Variants in ANK2 observed in about 807,000 individuals in gnomAD.
ANK2 encodes ankyrin-2.
Under a neutral mutation model 360.5 loss-of-function variants are expected in ANK2, and 83 were observed. That is an observed-to-expected ratio of 0.23 (90% CI 0.19 to 0.28). The LOEUF is 0.28. ANK2 is among the 10% of genes least tolerant of loss of function. ANK2 has a pLI of 1.00. For synonymous variants in ANK2, 1,740 were observed against 1,759.5 expected (o/e 0.99, Z 0.28); for missense variants, 4,201 against 4,795.7 (o/e 0.88, Z 3.66).
At chr4:113,244,374 A>G (rs894884359) in intron 9 of ANK2, among the ~76,000 whole-genome samples, 2 of 152,344 alleles carry the variant, frequency 1.3e-5, no homozygotes, top group East Asian at 1.9e-4. Flanking sequence ...TTCTTGTAAA[A>G]GTTTAATAAT....
intron 1 of ANK2, among the ~76,000 whole-genome samples, chr4:112,871,287 G>A (rs1560877531): frequency 6.6e-6 from 1 of 151,940 alleles, no homozygotes; most frequent in Non-Finnish European, 1.5e-5. Context: ...CTGGGTTCAA[G>A]CAATTCTCCT....
chr4:112,992,797 G>T (rs2047262416), intron 2 of ANK2, among the ~76,000 whole-genome samples: 1 of 152,102 alleles, frequency 6.6e-6, no homozygotes, highest in South Asian at 2.1e-4. Context: ...TGCATTAGGG[G>T]TTTAACATAT....
chr4:112,795,833 C>G, the ANK2 span, among the ~76,000 whole-genome samples: 4 of 143,860 alleles, frequency 2.8e-5, no homozygotes, highest in African/African-American at 1.0e-4. Flanking sequence ...GGTTGTCACT[C>G]TGTTGCCCAG....
At chr4:113,227,617 T>C (rs926307786) in intron 4 of ANK2, among the ~76,000 whole-genome samples, 5 of 152,132 alleles carry the variant, frequency 3.3e-5, no homozygotes, top group African/African-American at 9.7e-5. Context: ...TTACAGGAGA[T>C]TCTATCACAC....
At chr4:113,159,191 C>CCACA (rs57967546) in intron 1 of ANK2, among the ~76,000 whole-genome samples, 15,828 of 141,858 alleles carry the variant, frequency 0.11, 1,468 homozygotes, top group East Asian at 0.34. Flanking sequence ...CTCTTTCCTT[C>CCACA]CACACACACA....
chr4:112,819,872 G>C (rs2056499181), intron 1 of ANK2, among the ~76,000 whole-genome samples: 1 of 152,144 alleles, frequency 6.6e-6, no homozygotes, highest in Non-Finnish European at 1.5e-5. Context: ...ACGGTGTGAG[G>C]AATTCAGAGG....
chr4:112,853,273 TGGCCAGGATG>T (rs2065488586), intron 1 of ANK2, among the ~76,000 whole-genome samples: 1 of 152,196 alleles, frequency 6.6e-6, no homozygotes, highest in Non-Finnish European at 1.5e-5. Flanking sequence ...TTCACTATGT[TGGCCAGGATG>T]GTCTCGATCT....
chr4:113,116,033 G>C (rs1246907735), intron 1 of ANK2, among the ~76,000 whole-genome samples: 2 of 152,108 alleles, frequency 1.3e-5, no homozygotes, highest in African/African-American at 4.8e-5. Context: ...CATCCTATTA[G>C]ACCTCGATAA....
chr4:112,727,734 G>A, the ANK2 span, among the ~76,000 whole-genome samples: 2 of 152,106 alleles, frequency 1.3e-5, no homozygotes, highest in Non-Finnish European at 2.9e-5. Context: ...ACCCCAGCAC[G>A]TTGGGAGGCT....
chr4:112,946,745 A>G (rs761317409), intron 2 of ANK2, among the ~76,000 whole-genome samples: 7 of 152,248 alleles, frequency 4.6e-5, no homozygotes, highest in Non-Finnish European at 1.0e-4. Flanking sequence ...TTTTGAATCC[A>G]TATACAACCT....
chr4:113,197,099 TG>T (rs1235025259), intron 3 of ANK2, among the ~76,000 whole-genome samples: 2 of 152,198 alleles, frequency 1.3e-5, no homozygotes, highest in Non-Finnish European at 2.9e-5. Context: ...TAAACCCATG[TG>T]GGAAACTTCT....
At chr4:113,176,046 T>A (rs1421276354) in intron 2 of ANK2, among the ~76,000 whole-genome samples, 1 of 152,244 alleles carries the variant, frequency 6.6e-6, no homozygotes, top group African/African-American at 2.4e-5. Context: ...GATTAGGCGA[T>A]ATCTCCCTCT....
chr4:112,867,068 G>A (rs996903273), intron 1 of ANK2, among the ~76,000 whole-genome samples: 1 of 151,726 alleles, frequency 6.6e-6, no homozygotes, highest in Non-Finnish European at 1.5e-5. Flanking sequence ...ATTATGTATT[G>A]TCTGTAAGGC....
intron 1 of ANK2, among the ~76,000 whole-genome samples, chr4:113,062,754 T>A (rs1159607045): frequency 6.6e-6 from 1 of 152,126 alleles, no homozygotes; most frequent in Non-Finnish European, 1.5e-5. Context: ...ACTGAATGTT[T>A]ACTGTATGTG....
Position 113,303,805 on chromosome 4 carries a change from C to A in ANK2, c.2548+966C>A, listed in dbSNP as rs1364052304. On this transcript the variant is annotated intron_variant, in intron 23 of 45. Transcript: ENST00000357077. ...TTGAAAAATTACCACCATATATGTA[C>A]ATGAAAATGTATGTTTGAAAAATTA... 3.3e-5 allele frequency among the ~76,000 whole-genome samples: 5 copies of A among 152,158 alleles called. No individual in the cohort carries two copies. The South Asian group carries it at 1.0e-3, about 32-fold the overall frequency.
At chr4:113,057,563 C>T (rs571612656) in intron 1 of ANK2, among the ~76,000 whole-genome samples, 1 of 152,096 alleles carries the variant, frequency 6.6e-6, no homozygotes, top group Non-Finnish European at 1.5e-5. Context: ...TTTTGGAATC[C>T]ATCTTGTTTT....
chr4:112,764,039 G>A, the ANK2 span, among the ~76,000 whole-genome samples: 1 of 151,976 alleles, frequency 6.6e-6, no homozygotes, highest in African/African-American at 2.4e-5. Context: ...CGCCTCCCTG[G>A]TTCAAGCAAT....
rs2094821655 is a variant in ANK2 at position 113,346,119 on chromosome 4, A to G, written c.4371+97A>G. The G allele has an allele frequency of 2.1e-6, 3 of 1,435,766 alleles. No individual in the cohort carries two copies. In the Middle Eastern group the frequency reaches 6.1e-4, roughly 293 times the overall value. 88.9% of individuals were successfully genotyped at this position (1,435,766 alleles called of 1,614,324 possible). ...TGCAAAAGTAATGGCAAAAACAGCAATTGCTTTTGCACTGACCTAATAAAA... is the reference window on the plus strand; with the variant it reads ...TGCAAAAGTAATGGCAAAAACAGCAGTTGCTTTTGCACTGACCTAATAAAA... On this transcript the variant is annotated intron_variant, in intron 35 of 45. Transcript: ENST00000357077.
At position 113,369,564 on chromosome 4, in the gene ANK2, T is replaced by A. The variant is rs2154065987; in HGVS notation, c.11369T>A (p.Val3790Glu). The A allele has an allele frequency of 6.2e-7, 1 of 1,614,146 alleles. No individual in the cohort carries two copies. Among genetic ancestry groups the A allele is most frequent in the South Asian group, 1.1e-5 (1 of 91,078 alleles). Residue 3790 changes from valine to glutamate, a missense_variant, in exon 43 of 46, where the codon GTA (valine) becomes GAA (glutamate). Coordinates refer to ENST00000357077, the MANE Select transcript of ANK2 (RefSeq NM_001148.6). ...ETSETQKAMI[V>E]PSSPSKTPEE... ...TCAGAGACTCAGAAGGCTATGATAGTACCCAGCTCTCCCAGCAAGACACCT... is the reference window on the plus strand; with the variant it reads ...TCAGAGACTCAGAAGGCTATGATAGAACCCAGCTCTCCCAGCAAGACACCT...
Sources: gnomAD v4.1 joint callset for allele counts (sites outside exome capture counted in the v4.1 genomes callset) on GRCh38, gnomAD v4.1.1 for gene constraint, MANE v1.5 for transcripts, NCBI Gene and HGNC (gene_info 2026-07-23, HGNC 2026-07-21) for gene names.